The following FIGN variants were observed in gnomAD, a reference collection of about 807,000 sequenced individuals.
FIGN encodes the protein fidgetin.
FIGN carries 11 observed loss-of-function variants against 51.3 expected under a neutral mutation model. The observed-to-expected ratio is 0.21, with a 90% CI of 0.13 to 0.35. The LOEUF (loss-of-function observed/expected upper bound fraction) is 0.35, where lower values mean the gene tolerates loss of function less well. Ranked by LOEUF, FIGN falls within the 10% of genes least tolerant of loss-of-function variation. FIGN has a pLI of 1.00. For missense variants in FIGN, 857 were observed against 943.6 expected, an observed-to-expected ratio of 0.91 and a Z score of 1.20; for synonymous variants, 407 against 363.2, an observed-to-expected ratio of 1.12 and a Z score of -1.37.
At chr2:163,674,797 G>T (rs187483229) in intron 2 of FIGN, among the ~76,000 whole-genome samples, 1 of 151,976 alleles carries the variant, frequency 6.6e-6, no homozygotes, top group East Asian at 1.9e-4. Flanking sequence ...CACATGTATG[G>T]TTGCTCTTTA....
rs1301599327 is a variant in FIGN at position 163,605,864 on chromosome 2, A to G, written c.*3688T>C. On this transcript the variant is annotated 3_prime_UTR_variant, in exon 3 of 3. Coordinates refer to ENST00000333129, the MANE Select transcript of FIGN (RefSeq NM_018086.4). ...TTTTCCAACCCACAAATATATTTAA[A>G]TTTACAAAGACCTATTATAGGAACT... 1 of 151,216 alleles carries G rather than the reference A, an allele frequency of 6.6e-6. No individual in the cohort carries two copies. The highest frequency in any genetic ancestry group is 2.4e-5 in the African/African-American group (1 of 41,194). 9.4% of individuals were successfully genotyped at this position (151,216 alleles called of 1,614,324 possible).
chr2:163,603,722 TA>T lies in FIGN; in HGVS notation c.*5829del, dbSNP rs1691025128. 1 of 152,110 alleles carries T rather than the reference TA, an allele frequency of 6.6e-6. No homozygotes were observed. The highest frequency in any genetic ancestry group is 6.6e-5 in the Admixed American group (1 of 15,254). 9.4% of individuals were successfully genotyped at this position (152,110 alleles called of 1,614,324 possible). On this transcript the variant is annotated 3_prime_UTR_variant, in exon 3 of 3. Transcript: ENST00000333129. ...GATTGTCACAGTTCATTTGCTTTTG[TA>T]AAATATCCACAATTTGCTGACAAGC...
At chr2:163,676,603 A>G (rs1404719353) in intron 2 of FIGN, among the ~76,000 whole-genome samples, 1 of 151,540 alleles carries the variant, frequency 6.6e-6, no homozygotes, top group Non-Finnish European at 1.5e-5. Flanking sequence ...TATTAAAATA[A>G]TAAATGTCAT....
chr2:163,640,153 G>A (rs1683286028), intron 2 of FIGN, among the ~76,000 whole-genome samples: 2 of 152,024 alleles, frequency 1.3e-5, no homozygotes, highest in Admixed American at 6.5e-5. Context: ...TTTCCAACTG[G>A]TTTATAATTA....
intron 2 of FIGN, among the ~76,000 whole-genome samples, chr2:163,638,200 G>T (rs1683255264): frequency 6.6e-6 from 1 of 151,788 alleles, no homozygotes; most frequent in Non-Finnish European, 1.5e-5. Context: ...GCCCTTCTAC[G>T]CTAGTGTGAG....
chr2:163,719,765 C>G (rs1684725347), intron 2 of FIGN, among the ~76,000 whole-genome samples: 1 of 152,152 alleles, frequency 6.6e-6, no homozygotes, highest in Non-Finnish European at 1.5e-5. Context: ...CGAAGAATCA[C>G]TTTGATCACG....
intron 2 of FIGN, among the ~76,000 whole-genome samples, chr2:163,616,723 T>C (rs1682883745): frequency 6.6e-6 from 1 of 152,158 alleles, no homozygotes; most frequent in African/African-American, 2.4e-5. Context: ...TAATATAATA[T>C]TAGCAAGGGT....
At chr2:163,645,390 A>G (rs1322981075) in intron 2 of FIGN, among the ~76,000 whole-genome samples, 4 of 152,136 alleles carry the variant, frequency 2.6e-5, no homozygotes, top group Non-Finnish European at 5.9e-5. Context: ...CTCTATTTGA[A>G]CCCTAAGTAT....
chr2:163,640,637 C>T (rs539161537), intron 2 of FIGN, among the ~76,000 whole-genome samples: 4 of 152,032 alleles, frequency 2.6e-5, no homozygotes, highest in South Asian at 2.1e-4. Flanking sequence ...TCTTAGAGTT[C>T]GTTAATAAAT....
chr2:163,612,727 C>T lies in FIGN; in HGVS notation c.26-921G>A, dbSNP rs115464437. The stretch of plus-strand genomic sequence containing the variant: ...GTGTGTGTGTGTGTGTGTATTTATA[C>T]ACATCCTGTCTTATACATCTTCATA... On this transcript the variant is annotated intron_variant, in intron 2 of 2. Transcript: ENST00000333129. 3.8e-3 allele frequency: 807 copies of T among 213,636 alleles called. 5 individuals are homozygous for T. The highest frequency in any genetic ancestry group is 0.02 in the African/African-American group (760 of 38,796). 13.2% of individuals were successfully genotyped at this position (213,636 alleles called of 1,614,324 possible).
At chr2:163,624,987 T>C (rs1341017206) in intron 2 of FIGN, among the ~76,000 whole-genome samples, 1 of 152,020 alleles carries the variant, frequency 6.6e-6, no homozygotes, top group Non-Finnish European at 1.5e-5. Context: ...TGCAATAATC[T>C]CTTTTTTTCT....
Position 163,611,300 on chromosome 2 carries a change from C to T in FIGN, c.532G>A (p.Ala178Thr). The change falls in exon 3 of 3, where the codon GCA becomes ACA. Residue 178 changes from alanine to threonine, a missense_variant. Ala to Thr is a moderately conservative substitution (Grantham distance 58). This residue lies in a region of FIGN where 799 missense variants were observed against 849.5 expected (regional missense o/e 0.94). Transcript: ENST00000333129. The stretch of plus-strand genomic sequence containing the variant: ...GCATATTCCTGAGATGGGAGCCCTG[C>T]ATGAAGACTGGGTACAGTGTGGCTT... The part of the protein sequence containing the change: ...CGSHTVPSLH[A>T]GLPSQEYAPG... The T allele has an allele frequency of 6.2e-7, 1 of 1,614,100 alleles. No individual in the cohort carries two copies. The highest frequency in any genetic ancestry group is 8.5e-7 in the Non-Finnish European group (1 of 1,180,020).
chr2:163,616,694 T>A (rs1682883275), intron 2 of FIGN, among the ~76,000 whole-genome samples: 2 of 152,276 alleles, frequency 1.3e-5, no homozygotes, highest in South Asian at 4.1e-4. Flanking sequence ...CTTTCATTAT[T>A]TTTTAACATT....
chr2:163,602,740 C>T lies in FIGN; in HGVS notation c.*6812G>A, dbSNP rs1690997333. 6.6e-6 allele frequency: 1 copy of T among 151,882 alleles called. No individual in the cohort carries two copies. Among genetic ancestry groups the T allele is most frequent in the Admixed American group, 6.6e-5 (1 of 15,216 alleles). The allele number at this position is 151,882 out of a possible 1,614,324, so 9.4% of individuals were successfully genotyped here. A position where few individuals can be genotyped will look rare whatever the true frequency, so the allele number is the denominator to read the frequency against. ...TTTCATAAAAATATCTGCCTTGAAC[C>T]ACATTTTTAATTCTTCAATGGTTAC... On this transcript the variant is annotated 3_prime_UTR_variant, in exon 3 of 3. Coordinates refer to ENST00000333129, the MANE Select transcript of FIGN (RefSeq NM_018086.4).
At chr2:163,661,245 A>ATTG (rs1341672025) in intron 2 of FIGN, among the ~76,000 whole-genome samples, 2 of 150,382 alleles carry the variant, frequency 1.3e-5, no homozygotes, top group South Asian at 2.1e-4. Context: ...TATTATTATT[A>ATTG]TTATTATTTT....
chr2:163,728,784 A>G (rs978076289), intron 2 of FIGN, among the ~76,000 whole-genome samples: 1 of 152,166 alleles, frequency 6.6e-6, no homozygotes, highest in Non-Finnish European at 1.5e-5. Flanking sequence ...CCCACCACAC[A>G]ATACAGGGCC....
intron 2 of FIGN, among the ~76,000 whole-genome samples, chr2:163,619,826 CTTAAAGT>C (rs1157355737): frequency 2.1e-4 from 32 of 152,162 alleles, no homozygotes; most frequent in Admixed American, 4.6e-4. Context: ...ATTTCCTATA[CTTAAAGT>C]ATACAAGTGA....
chr2:163,694,255 A>C (rs1329142062), intron 2 of FIGN, among the ~76,000 whole-genome samples: 3 of 152,208 alleles, frequency 2.0e-5, no homozygotes, highest in Admixed American at 6.5e-5. Flanking sequence ...ACAAATGACA[A>C]GGGAGAATAA....
intron 2 of FIGN, among the ~76,000 whole-genome samples, chr2:163,662,191 G>C (rs556504324): frequency 6.6e-6 from 1 of 152,290 alleles, no homozygotes; most frequent in South Asian, 2.1e-4. Flanking sequence ...TGAGGAACTT[G>C]TTGGGAACTG....
Sources: gnomAD v4.1 joint callset for allele counts (sites outside exome capture counted in the v4.1 genomes callset) on GRCh38, gnomAD v4.1.1 for gene constraint, gnomAD v4.1.1 regional missense constraint, MANE v1.5 for transcripts, NCBI Gene and HGNC (gene_info 2026-07-23, HGNC 2026-07-21) for gene names.